The following IFT172 variants were observed in gnomAD, a reference collection of about 807,000 sequenced individuals.
The protein encoded by IFT172 is intraflagellar transport protein 172 homolog.
In IFT172, 164 loss-of-function variants were observed where a neutral mutation model predicts 248.9. The ratio of observed to expected loss-of-function variants is 0.66; its 90% confidence interval spans 0.58 to 0.75. The LOEUF is 0.75. IFT172 is among the 30% of genes least tolerant of loss of function. The pLI, the probability that IFT172 is intolerant of heterozygous loss-of-function variation, is 0.00. For synonymous variants in IFT172, 729 were observed against 791.6 expected (o/e 0.92, Z 1.33); for missense variants, 1,950 against 2,192.4 (o/e 0.89, Z 2.21).
At chr2:27,457,505 G>A in intron 29 of IFT172, 134 bp downstream of exon 29, 1 of 726,490 alleles carries the variant, frequency 1.4e-6, no homozygotes, top group Non-Finnish European at 2.4e-6. Flanking sequence ...AGCCCAGGAG[G>A]TCAAGGCTGC....
chr2:27,466,863 A>AT (rs1667122886), intron 16 of IFT172, among the ~76,000 whole-genome samples: 2 of 152,036 alleles, frequency 1.3e-5, no homozygotes, highest in African/African-American at 2.4e-5. Context: ...AGAAAAAAAA[A>AT]AAATTATCTG....
chr2:27,477,919 C>T (rs1004054606), intron 11 of IFT172, 76 bp downstream of exon 11: 11 of 1,568,686 alleles, frequency 7.0e-6, no homozygotes, highest in Non-Finnish European at 7.8e-6. Flanking sequence ...GAGCTTACCC[C>T]TAGGGATTTT....
chr2:27,446,879 T>G (rs984340299), intron 42 of IFT172, among the ~76,000 whole-genome samples: 7 of 151,440 alleles, frequency 4.6e-5, no homozygotes, highest in Admixed American at 1.3e-4. Flanking sequence ...TTTTGTATTT[T>G]TAGTAGAGAC....
Position 27,448,965 on chromosome 2 carries a change from C to T in IFT172, c.4378G>A (p.Ala1460Thr). 6.2e-7 allele frequency: 1 copy of T among 1,612,426 alleles called. No homozygotes were observed. Among genetic ancestry groups the T allele is most frequent in the Non-Finnish European group, 8.5e-7 (1 of 1,178,398 alleles). Residue 1460 changes from alanine to threonine, a missense_variant, in exon 40 of 48, where the codon GCC becomes ACC. Ala to Thr is a moderately conservative substitution (Grantham distance 58). Around this residue, in one of 3 missense-constraint regions of IFT172, gnomAD observed 620 missense variants for 699.0 expected, o/e 0.89. Transcript: ENST00000260570. ...ATHLIREGSSAQALALYVQHG... is the reference protein window; with the variant it reads ...ATHLIREGSSTQALALYVQHG... ...TGTACATACAGGGCCAATGCCTGGGCAGAGCTACCCTCCCGGATCAAGTGA... is the reference window on the plus strand; with the variant it reads ...TGTACATACAGGGCCAATGCCTGGGTAGAGCTACCCTCCCGGATCAAGTGA...
chr2:27,480,128 G>C lies in IFT172; in HGVS notation c.807C>G (p.Ile269Met). 2 of 1,613,970 alleles carry C rather than the reference G, an allele frequency of 1.2e-6. No individual in the cohort carries two copies. Among genetic ancestry groups the C allele is most frequent in the Non-Finnish European group, 1.7e-6 (2 of 1,179,940 alleles). ...CCTCTTCCCAGATGCTTCTTCGAGGGATCCAGTTGAACACCCGAAGCCTGA... is the reference window on the plus strand; with the variant it reads ...CCTCTTCCCAGATGCTTCTTCGAGGCATCCAGTTGAACACCCGAAGCCTGA... Reference protein sequence around the residue: ...SYDRLRVFNWIPRRSIWEEAK... With the variant: ...SYDRLRVFNWMPRRSIWEEAK... The change falls in exon 9 of 48, where the codon ATC (isoleucine) becomes ATG (methionine). Residue 269 changes from isoleucine (I) to methionine (M), a missense_variant. This residue lies in a region of IFT172 where 1,166 missense variants were observed against 1,254.1 expected (regional missense o/e 0.93). Transcript: ENST00000260570.
intron 15 of IFT172, 99 bp downstream of exon 15, chr2:27,472,151 A>C (rs768283745): frequency 1.2e-6 from 1 of 821,846 alleles, no homozygotes; most frequent in Non-Finnish European, 2.2e-6. Context: ...CACAGCAAAG[A>C]CAATGTGCTC....
intron 26 of IFT172, 126 bp from the exon 27 acceptor site, chr2:27,458,349 T>C (rs1666344261): frequency 4.0e-6 from 3 of 752,210 alleles, no homozygotes; most frequent in East Asian, 2.5e-5. Context: ...GTATTGCCAC[T>C]CTACTAGTGA....
At chr2:27,464,464 T>C (rs1369659617) in intron 18 of IFT172, among the ~76,000 whole-genome samples, 1 of 152,194 alleles carries the variant, frequency 6.6e-6, no homozygotes, top group African/African-American at 2.4e-5. Context: ...TCAAGGAGTC[T>C]GGAGTCCCAA....
chr2:27,472,105 A>T (rs1178097622), intron 15 of IFT172, 145 bp downstream of exon 15: 2 of 670,914 alleles, frequency 3.0e-6, no homozygotes, highest in East Asian at 5.1e-5. Context: ...GCTACAGAGA[A>T]TGTTGATTCT....
intron 4 of IFT172, 48 bp downstream of exon 4, chr2:27,484,179 A>G: frequency 6.2e-7 from 1 of 1,610,308 alleles, no homozygotes; most frequent in South Asian, 1.1e-5. Flanking sequence ...AGATATACTG[A>G]TATATGTTTG....
At chr2:27,479,471 C>A (rs749934685) in intron 10 of IFT172, 38 bp downstream of exon 10, 1 of 1,142,892 alleles carries the variant, frequency 8.7e-7, no homozygotes, top group African/African-American at 1.5e-5. Flanking sequence ...GAATGAGCCA[C>A]GCAAGTTCTC....
At chr2:27,485,251 G>T in intron 2 of IFT172, 109 bp downstream of exon 2, 1 of 1,540,528 alleles carries the variant, frequency 6.5e-7, no homozygotes, top group Non-Finnish European at 8.9e-7. Flanking sequence ...CTGAGAAAAA[G>T]GTGGGGTATG....
rs780688146 is a variant in IFT172, at chr2:27,472,359, T to C, written c.1415A>G (p.Asp472Gly). The C allele has an allele frequency of 1.9e-6, 3 of 1,612,952 alleles. No homozygotes were observed. The Admixed American group carries it at 5.0e-5, about 27-fold the overall frequency. ...LIDIKTIAIV[D>G]LIGGYNIGTV... ...GCCAATGTTGTAGCCACCAATCAGA[T>C]CCACTATAGAATAAAGGAGACAGGG... Residue 472 changes from aspartate (D) to glycine (G), a missense_variant, in exon 15 of 48, where the codon GAT becomes GGT. Around this residue, in one of 3 missense-constraint regions of IFT172, gnomAD observed 1,166 missense variants for 1,254.1 expected, o/e 0.93. Transcript: ENST00000260570.
Position 27,483,374 on chromosome 2 carries a change from C to A in IFT172, c.485G>T (p.Cys162Phe), listed in dbSNP as rs762255055. 1.3e-6 allele frequency: 2 copies of A among 1,595,404 alleles called. No homozygotes were observed. Among genetic ancestry groups the A allele is most frequent in the Admixed American group, 1.7e-5 (1 of 59,520 alleles). ...ACCAGAGAGAATTCCTTTCCCAGAG[C>A]AACTAAAAAAGGAGAAAGGAGAGAA... ...ESYVVSLTTNCSGKGILSGHA... is the reference protein window; with the variant it reads ...ESYVVSLTTNFSGKGILSGHA... The change falls in exon 7 of 48, where the codon TGC (cysteine) becomes TTC (phenylalanine). Residue 162 changes from cysteine to phenylalanine, a missense_variant and splice_region_variant. Around this residue, in one of 3 missense-constraint regions of IFT172, gnomAD observed 1,166 missense variants for 1,254.1 expected, o/e 0.93. Transcript: ENST00000260570.
At chr2:27,458,919 C>T (rs749562603) in intron 25 of IFT172, 51 bp from the exon 26 acceptor site, 5 of 1,595,636 alleles carry the variant, frequency 3.1e-6, no homozygotes, top group Non-Finnish European at 4.3e-6. Context: ...AGACTTAAAG[C>T]AGCTTGAATG....
Position 27,489,641 on chromosome 2 carries a change from G to T in IFT172, c.13C>A (p.His5Asn). MHLK[H>N]LRTLLSPQDG... ...TGAGGGCTCAGCAGGGTCCTCAGGTGCTTCAAGTGCATGACGCACACCTGT... is the reference window on the plus strand; with the variant it reads ...TGAGGGCTCAGCAGGGTCCTCAGGTTCTTCAAGTGCATGACGCACACCTGT... The change falls in exon 1 of 48, where the codon CAC becomes AAC. Residue 5 changes from histidine (H) to asparagine (N), a missense_variant. Physicochemically the swap from His to Asn is moderately conservative, Grantham distance 68. This residue lies in a region of IFT172 where 1,166 missense variants were observed against 1,254.1 expected (regional missense o/e 0.93). Transcript: ENST00000260570. 1.9e-6 allele frequency: 3 copies of T among 1,612,614 alleles called. No individual in the cohort carries two copies. Among genetic ancestry groups the T allele is most frequent in the Non-Finnish European group, 2.5e-6 (3 of 1,178,900 alleles).
intron 11 of IFT172, 150 bp from the exon 12 acceptor site, chr2:27,477,762 G>T: frequency 1.3e-6 from 1 of 772,316 alleles, no homozygotes; most frequent in Non-Finnish European, 2.2e-6. Flanking sequence ...ATCTGCTCTG[G>T]TCCCTGAGAG....
At chr2:27,481,546 T>C (rs1281691127) in intron 7 of IFT172, among the ~76,000 whole-genome samples, 2 of 133,678 alleles carry the variant, frequency 1.5e-5, no homozygotes, top group Non-Finnish European at 3.2e-5. Flanking sequence ...TTCTTTTTTC[T>C]TTTTTTTTTT....
intron 16 of IFT172, among the ~76,000 whole-genome samples, chr2:27,470,434 C>T (rs368897682): frequency 3.3e-5 from 5 of 152,124 alleles, no homozygotes; most frequent in African/African-American, 7.2e-5. Flanking sequence ...AAGCATCAAG[C>T]GCTCTACCCA....
Sources: allele counts gnomAD v4.1 joint callset (sites outside exome capture counted in the v4.1 genomes callset), GRCh38; gene constraint gnomAD v4.1.1; regional missense constraint gnomAD v4.1.1; transcripts MANE v1.5; gene names NCBI Gene and HGNC (gene_info 2026-07-23, HGNC 2026-07-21).